Variants in DMXL2 observed in about 807,000 individuals in gnomAD.
The protein encoded by DMXL2 is dmX-like protein 2.
In DMXL2, 103 loss-of-function variants were observed where a neutral mutation model predicts 331.1. The observed-to-expected ratio is 0.31, with a 90% CI of 0.27 to 0.37. The LOEUF is 0.37. DMXL2 is among the 10% of genes least tolerant of loss of function. DMXL2 has a pLI of 1.00. For missense variants in DMXL2, 3,171 were observed against 3,642.9 expected, an observed-to-expected ratio of 0.87 and a Z score of 3.33; for synonymous variants, 1,281 against 1,252.1, an observed-to-expected ratio of 1.02 and a Z score of -0.49.
chr15:51,556,584 A>G (rs1297886208), intron 6 of DMXL2, among the ~76,000 whole-genome samples: 2 of 151,820 alleles, frequency 1.3e-5, no homozygotes, highest in Non-Finnish European at 2.9e-5. Flanking sequence ...ACCAGCCTGG[A>G]CAAAATGGTG....
intron 18 of DMXL2, among the ~76,000 whole-genome samples, chr15:51,497,325 A>C (rs2043254638): frequency 6.6e-6 from 1 of 152,248 alleles, no homozygotes; most frequent in Admixed American, 6.5e-5. Context: ...ACAGATCTGG[A>C]AATCATGAAA....
intron 6 of DMXL2, among the ~76,000 whole-genome samples, chr15:51,559,414 C>A (rs1249328165): frequency 6.6e-6 from 1 of 152,126 alleles, no homozygotes; most frequent in Non-Finnish European, 1.5e-5. Flanking sequence ...CAGGGAAATG[C>A]ACTTTAAAAC....
In DMXL2 at chr15:51,487,904, A is replaced by G. The variant is rs780104817; in HGVS notation, c.5217+50T>C. On this transcript the variant is annotated intron_variant, in intron 22 of 43. Coordinates refer to ENST00000560891, the MANE Select transcript of DMXL2 (RefSeq NM_001378457.1). ...TTACAATCTCCTCTACAACCTTCTT[A>G]GGTTTTCAATCTTTTACAAGTATTA... 1.0e-5 allele frequency: 15 copies of G among 1,437,102 alleles called. No individual in the cohort carries two copies. In the South Asian group the frequency reaches 1.7e-4, roughly 17 times the overall value. The allele number at this position is 1,437,102 out of a possible 1,614,324, so 89.0% of individuals were successfully genotyped here.
In DMXL2 at chr15:51,597,886, T is replaced by C. The variant is rs139397851; in HGVS notation, c.88-21705A>G. Among the ~76,000 whole-genome samples, 233 of 152,352 alleles carry C rather than the reference T, an allele frequency of 1.5e-3. 1 individual carries two copies. The highest frequency in any genetic ancestry group is 2.8e-3 in the Non-Finnish European group (193 of 68,016). The stretch of plus-strand genomic sequence containing the variant: ...ATTTCAATCTGTCTTTTTGTGATTA[T>C]TAATGAGCTATGGCTCCTTTTCAAA... On this transcript the variant is annotated intron_variant, in intron 1 of 43. Coordinates refer to ENST00000560891, the MANE Select transcript of DMXL2 (RefSeq NM_001378457.1).
intron 28 of DMXL2, among the ~76,000 whole-genome samples, chr15:51,471,963 C>T (rs1233763900): frequency 1.3e-5 from 2 of 152,064 alleles, no homozygotes; most frequent in African/African-American, 2.4e-5. Flanking sequence ...ATGTTTTGGG[C>T]AATTCTCACT....
At chr15:51,560,504 C>CAAAA (rs66990182) in intron 6 of DMXL2, among the ~76,000 whole-genome samples, 2 of 41,546 alleles carry the variant, frequency 4.8e-5, no homozygotes, top group South Asian at 1.1e-3. Flanking sequence ...TTATTTCTAC[C>CAAAA]AAAAAAAAAA....
At chr15:51,516,146 G>C (rs1736833741) in intron 14 of DMXL2, among the ~76,000 whole-genome samples, 1 of 152,086 alleles carries the variant, frequency 6.6e-6, no homozygotes, top group Non-Finnish European at 1.5e-5. Context: ...TCATTTCCTT[G>C]TTTAAAACTA....
At chr15:51,583,121 C>CTTTTTTTTTTTTTTTTTTTTTTT (rs1171970352) in intron 1 of DMXL2, among the ~76,000 whole-genome samples, 3 of 34,882 alleles carry the variant, frequency 8.6e-5, no homozygotes, top group Non-Finnish European at 2.0e-4. Context: ...TTTTTTTTTT[C>CTTTTTTTTTTTTTTTTTTTTTTT]TTTTTTTTTT....
chr15:51,450,495 A>G, intron 42 of DMXL2, 149 bp from the exon 43 acceptor site: 1 of 767,816 alleles, frequency 1.3e-6, no homozygotes, highest in African/African-American at 1.8e-5. Context: ...GAATTTCTGT[A>G]ATCACATGAT....
chr15:51,557,761 G>T (rs1424304320), intron 6 of DMXL2, among the ~76,000 whole-genome samples: 4 of 152,088 alleles, frequency 2.6e-5, no homozygotes, highest in African/African-American at 9.7e-5. Flanking sequence ...TGGTAATGCA[G>T]AACAATGAAG....
At chr15:51,586,392 T>A (rs1404218184) in intron 1 of DMXL2, among the ~76,000 whole-genome samples, 1 of 151,990 alleles carries the variant, frequency 6.6e-6, no homozygotes, top group Non-Finnish European at 1.5e-5. Flanking sequence ...AACAAAAATC[T>A]ATGGGAAGAA....
chr15:51,470,004 T>G (rs1352985121), intron 29 of DMXL2, among the ~76,000 whole-genome samples: 2 of 152,180 alleles, frequency 1.3e-5, no homozygotes, highest in Non-Finnish European at 2.9e-5. Flanking sequence ...AGACATAGAT[T>G]GTTGGTTCTC....
chr15:51,453,411 CTGAAAT>C (rs2039332912), intron 41 of DMXL2, 133 bp downstream of exon 41: 3 of 555,312 alleles, frequency 5.4e-6, no homozygotes, highest in Non-Finnish European at 8.9e-6. Flanking sequence ...AAAAAACACT[CTGAAAT>C]AAGAATTATG....
chr15:51,528,836 C>G (rs2047834863), intron 13 of DMXL2, among the ~76,000 whole-genome samples: 1 of 151,494 alleles, frequency 6.6e-6, no homozygotes, highest in Admixed American at 6.6e-5. Context: ...ATGGATCATT[C>G]TCGAGGACAG....
Position 51,481,640 on chromosome 15 carries a change from G to C in DMXL2, c.5483-17C>G. ...TGATGATAACTATAGAAATCAAACA[G>C]ATAAAATCACAAAGCATTGTGTTAA... On this transcript the variant is annotated splice_polypyrimidine_tract_variant and intron_variant, in intron 23 of 43. Coordinates refer to ENST00000560891, the MANE Select transcript of DMXL2 (RefSeq NM_001378457.1). 1 of 1,511,690 alleles carries C rather than the reference G, an allele frequency of 6.6e-7. No individual in the cohort carries two copies. Among genetic ancestry groups the C allele is most frequent in the South Asian group, 1.4e-5 (1 of 72,676 alleles). 93.6% of individuals were successfully genotyped at this position (1,511,690 alleles called of 1,614,324 possible). A position where few individuals can be genotyped will look rare whatever the true frequency, so the allele number is the denominator to read the frequency against.
intron 43 of DMXL2, 79 bp downstream of exon 43, chr15:51,450,050 A>G: frequency 7.6e-7 from 1 of 1,314,458 alleles, no homozygotes; most frequent in South Asian, 1.3e-5. Context: ...GTGAAGCTTT[A>G]TTTCAAAGAA....
At chr15:51,607,468 A>C (rs917439194) in intron 1 of DMXL2, among the ~76,000 whole-genome samples, 1 of 152,196 alleles carries the variant, frequency 6.6e-6, no homozygotes, top group East Asian at 1.9e-4. Context: ...AAAAAGAAAA[A>C]AGAAAAAAAA....
At chr15:51,525,782 A>G (rs945230762) in intron 13 of DMXL2, among the ~76,000 whole-genome samples, 3 of 152,030 alleles carry the variant, frequency 2.0e-5, no homozygotes, top group African/African-American at 7.2e-5. Flanking sequence ...CCACAGTACA[A>G]TAGAACACCA....
At chr15:51,602,761 T>C (rs1205211256) in intron 1 of DMXL2, among the ~76,000 whole-genome samples, 2 of 152,150 alleles carry the variant, frequency 1.3e-5, no homozygotes, top group Admixed American at 6.5e-5. Context: ...GAAACTACAA[T>C]ATACAGAAGG....
Sources: allele counts gnomAD v4.1 joint callset (sites outside exome capture counted in the v4.1 genomes callset), GRCh38; gene constraint gnomAD v4.1.1; transcripts MANE v1.5; gene names NCBI Gene and HGNC (gene_info 2026-07-23, HGNC 2026-07-21).